Variants in ATP9A observed in about 807,000 individuals in gnomAD.
ATP9A encodes the protein ATPase phospholipid transporting 9A.
ATP9A carries 52 observed loss-of-function variants against 144.1 expected under a neutral mutation model. That is an observed-to-expected ratio of 0.36 (90% CI 0.29 to 0.45). The LOEUF is 0.45. Among genes scored for constraint, ATP9A ranks in the 20% least tolerant of loss-of-function variants. ATP9A has a pLI of 1.00. For missense variants in ATP9A, 947 were observed against 1,392.7 expected, an observed-to-expected ratio of 0.68 and a Z score of 5.09; for synonymous variants, 582 against 557.4, an observed-to-expected ratio of 1.04 and a Z score of -0.62.
intron 13 of ATP9A, among the ~76,000 whole-genome samples, chr20:51,657,954 A>G (rs959497522): frequency 3.3e-5 from 5 of 152,224 alleles, no homozygotes; most frequent in Non-Finnish European, 7.3e-5. Context: ...ATGGCATACA[A>G]CTGGCCTTCT....
chr20:51,730,768 G>GA (rs1400823565), intron 1 of ATP9A, among the ~76,000 whole-genome samples: 1 of 152,142 alleles, frequency 6.6e-6, no homozygotes, highest in African/African-American at 2.4e-5. Flanking sequence ...TCTACATATA[G>GA]AAAAAATACA....
intron 14 of ATP9A, among the ~76,000 whole-genome samples, chr20:51,649,651 A>C (rs1291532006): frequency 6.6e-6 from 1 of 152,210 alleles, no homozygotes; most frequent in Non-Finnish European, 1.5e-5. Flanking sequence ...GCAGTAGTTC[A>C]CGCCTGTAAT....
intron 1 of ATP9A, among the ~76,000 whole-genome samples, chr20:51,767,007 G>T (rs527786003): frequency 6.6e-6 from 1 of 151,438 alleles, no homozygotes; most frequent in Non-Finnish European, 1.5e-5. Context: ...TATCAGTGAG[G>T]CCTCTTCTTC....
chr20:51,755,349 C>T lies in ATP9A; in HGVS notation c.68+12953G>A, dbSNP rs73616850. Among the ~76,000 whole-genome samples, 19 of 148,496 alleles carry T rather than the reference C, an allele frequency of 1.3e-4. 1 individual carries two copies. The highest frequency in any genetic ancestry group is 1.1e-3 in the Admixed American group (17 of 14,894). ...ACCCAGGAGGCTGAGGCAGGAGAAT[C>T]GCTTGAACCCAGGAGGCGGAGGTTG... On this transcript the variant is annotated intron_variant, in intron 1 of 27. Coordinates refer to ENST00000338821, the MANE Select transcript of ATP9A (RefSeq NM_006045.3).
chr20:51,718,133 G>A (rs1446915096), intron 3 of ATP9A, among the ~76,000 whole-genome samples: 5 of 152,150 alleles, frequency 3.3e-5, no homozygotes, highest in African/African-American at 1.2e-4. Context: ...TGCACATCAC[G>A]CTTGAGATAT....
At position 51,651,058 on chromosome 20, in the gene ATP9A, A is replaced by G. The variant is rs1252519186; in HGVS notation, c.1506+5880T>C. Among the ~76,000 whole-genome samples the G allele has an allele frequency of 3.3e-5, 5 of 150,048 alleles. No homozygotes were observed. The South Asian group carries it at 6.3e-4, about 19-fold the overall frequency. ...CAGTGGTGCAATCTCGGAAAGCCAT[A>G]TGACTTTCTAAAGGAAGTTACTTAA... On this transcript the variant is annotated intron_variant, in intron 14 of 27. Transcript: ENST00000338821.
At chr20:51,686,733 G>A (rs550804938) in intron 9 of ATP9A, among the ~76,000 whole-genome samples, 5 of 152,122 alleles carry the variant, frequency 3.3e-5, no homozygotes, top group Non-Finnish European at 5.9e-5. Flanking sequence ...TCAGGAGTTC[G>A]AGACCAGCCT....
At chr20:51,749,867 G>A (rs2077824088) in intron 1 of ATP9A, among the ~76,000 whole-genome samples, 1 of 151,970 alleles carries the variant, frequency 6.6e-6, no homozygotes, top group African/African-American at 2.4e-5. Flanking sequence ...AATAAAATAG[G>A]CCGGGTGCAG....
chr20:51,734,994 C>T (rs2426393), intron 1 of ATP9A: 26,241 of 202,914 alleles, frequency 0.13, 1,846 homozygotes, highest in South Asian at 0.2. Flanking sequence ...AACCAAGGCC[C>T]AGACTGCAGC....
At chr20:51,651,372 T>C (rs2077365765) in intron 14 of ATP9A, among the ~76,000 whole-genome samples, 1 of 141,238 alleles carries the variant, frequency 7.1e-6, no homozygotes, top group African/African-American at 2.6e-5. Context: ...TTATATATAT[T>C]TCTTTACATA....
intron 4 of ATP9A, among the ~76,000 whole-genome samples, chr20:51,699,633 G>A (rs951343300): frequency 6.6e-6 from 1 of 151,934 alleles, no homozygotes; most frequent in Admixed American, 6.6e-5. Flanking sequence ...AAACACTACT[G>A]ACTTCTGACT....
chr20:51,750,600 C>T (rs189032480), intron 1 of ATP9A, among the ~76,000 whole-genome samples: 87 of 152,286 alleles, frequency 5.7e-4, no homozygotes, highest in African/African-American at 2.0e-3. Flanking sequence ...AAGCCCTCAA[C>T]GCGAATGACT....
chr20:51,761,224 T>C (rs1037163873), intron 1 of ATP9A, among the ~76,000 whole-genome samples: 9 of 152,146 alleles, frequency 5.9e-5, no homozygotes, highest in African/African-American at 2.2e-4. Context: ...AGGTCCTAAA[T>C]AAATATTCAT....
chr20:51,663,502 TC>T (rs1354988465), intron 13 of ATP9A, among the ~76,000 whole-genome samples: 1 of 152,236 alleles, frequency 6.6e-6, no homozygotes, highest in East Asian at 1.9e-4. Flanking sequence ...AAAAAATTCT[TC>T]CTCAAGAGAA....
chr20:51,691,920 G>A (rs1475930091), intron 7 of ATP9A, among the ~76,000 whole-genome samples: 2 of 152,200 alleles, frequency 1.3e-5, no homozygotes, highest in Non-Finnish European at 2.9e-5. Context: ...GCCTTAAAAA[G>A]GAAGAAGTTC....
chr20:51,683,035 T>C (rs1007702734), intron 9 of ATP9A, among the ~76,000 whole-genome samples: 1 of 149,742 alleles, frequency 6.7e-6, no homozygotes, highest in Non-Finnish European at 1.5e-5. Flanking sequence ...GAGGTTGCAA[T>C]GAGCAGAGAT....
At chr20:51,719,801 C>T (rs892040194) in intron 3 of ATP9A, among the ~76,000 whole-genome samples, 2 of 126,488 alleles carry the variant, frequency 1.6e-5, no homozygotes, top group Non-Finnish European at 3.4e-5. Context: ...AATCCCAATA[C>T]TTTGGGAGGC....
chr20:51,736,240 G>A (rs750010709), intron 1 of ATP9A, among the ~76,000 whole-genome samples: 16 of 152,230 alleles, frequency 1.1e-4, no homozygotes, highest in Non-Finnish European at 2.1e-4. Context: ...TAAAGGACAA[G>A]GAGGGAGGAG....
chr20:51,673,956 G>A (rs539135829), intron 11 of ATP9A, among the ~76,000 whole-genome samples, 197 bp downstream of exon 11: 8 of 151,282 alleles, frequency 5.3e-5, no homozygotes, highest in South Asian at 2.1e-4. Flanking sequence ...AGGCTGAGAC[G>A]GGAGAATCAC....
Sources: gnomAD v4.1 joint callset for allele counts (sites outside exome capture counted in the v4.1 genomes callset) on GRCh38, gnomAD v4.1.1 for gene constraint, MANE v1.5 for transcripts, NCBI Gene and HGNC (gene_info 2026-07-23, HGNC 2026-07-21) for gene names.